Variants in RPS6KA2 observed in about 807,000 individuals in gnomAD.
The protein encoded by RPS6KA2 is ribosomal protein S6 kinase A2.
RPS6KA2 carries 42 observed loss-of-function variants against 91.8 expected under a neutral mutation model. The observed-to-expected ratio is 0.46, with a 90% CI of 0.36 to 0.59. RPS6KA2 has a LOEUF of 0.59. Among genes scored for constraint, RPS6KA2 ranks in the 20% least tolerant of loss-of-function variants. The pLI, the probability that RPS6KA2 is intolerant of heterozygous loss-of-function variation, is 0.00. For synonymous variants in RPS6KA2, 414 were observed against 393.6 expected, an observed-to-expected ratio of 1.05 and a Z score of -0.61; for missense variants, 798 against 978.5, an observed-to-expected ratio of 0.82 and a Z score of 2.46.
At chr6:166,543,049 A>G (rs952556623) in intron 1 of RPS6KA2, among the ~76,000 whole-genome samples, 8 of 152,160 alleles carry the variant, frequency 5.3e-5, no homozygotes, top group African/African-American at 1.7e-4. Flanking sequence ...CGTATCTCCA[A>G]CTCACAGGTC....
chr6:166,507,389 C>CA (rs541782082), intron 5 of RPS6KA2, among the ~76,000 whole-genome samples: 54,984 of 149,804 alleles, frequency 0.37, 11,201 homozygotes, highest in African/African-American at 0.56. Flanking sequence ...CACACACACA[C>CA]CCACCCCACA....
chr6:166,741,996 C>T (rs1042690267), intron 2 of RPS6KA2, among the ~76,000 whole-genome samples: 1 of 152,138 alleles, frequency 6.6e-6, no homozygotes, highest in Non-Finnish European at 1.5e-5. Flanking sequence ...GGCATGGTGG[C>T]GGGCGCCTGT....
chr6:166,577,962 A>G (rs1374718532), intron 1 of RPS6KA2, among the ~76,000 whole-genome samples: 3 of 152,156 alleles, frequency 2.0e-5, no homozygotes, highest in African/African-American at 7.2e-5. Context: ...ATGATAGTGA[A>G]TATGTCTCAG....
chr6:166,593,924 A>T (rs1785441333), intron 1 of RPS6KA2, among the ~76,000 whole-genome samples: 1 of 152,250 alleles, frequency 6.6e-6, no homozygotes, highest in African/African-American at 2.4e-5. Flanking sequence ...TAACACTATC[A>T]CAAATGTAAA....
At chr6:166,547,775 A>G (rs1460321170) in intron 1 of RPS6KA2, among the ~76,000 whole-genome samples, 1 of 152,260 alleles carries the variant, frequency 6.6e-6, no homozygotes, top group Non-Finnish European at 1.5e-5. Context: ...AGAGTAACTG[A>G]GTCCGTGTTT....
chr6:166,857,653 T>C (rs554675609), intron 2 of RPS6KA2, among the ~76,000 whole-genome samples: 3 of 152,348 alleles, frequency 2.0e-5, no homozygotes, highest in South Asian at 4.1e-4. Flanking sequence ...TCTCTTCCGT[T>C]TGATGACCAC....
At position 166,445,309 on chromosome 6, in the gene RPS6KA2, C is replaced by T. The variant is rs1779642848; in HGVS notation, c.1332+3415G>A. 6.6e-6 allele frequency among the ~76,000 whole-genome samples: 1 copy of T among 152,130 alleles called. No homozygotes were observed. Among genetic ancestry groups the T allele is most frequent in the Admixed American group, 6.5e-5 (1 of 15,280 alleles). On this transcript the variant is annotated intron_variant, in intron 14 of 20. Coordinates refer to ENST00000265678, the MANE Select transcript of RPS6KA2 (RefSeq NM_021135.6). This position sits in a 1 kb window ranked among gnomAD's most constrained non-coding sequence, Gnocchi z 4.5. ...CATCATCCTGTTGCTAAAGGACTCACCAGAAACTCAATGAAGAAGAAAAAC... is the reference window on the plus strand; with the variant it reads ...CATCATCCTGTTGCTAAAGGACTCATCAGAAACTCAATGAAGAAGAAAAAC...
At position 166,760,128 on chromosome 6, in the gene RPS6KA2, T is replaced by C. The variant is rs773533922; in HGVS notation, c.123+98072A>G. On this transcript the variant is annotated intron_variant, in intron 2 of 21. Coordinates refer to the RPS6KA2 transcript ENST00000503859. The stretch of plus-strand genomic sequence containing the variant: ...AAACGGAAGGTTTCTTTTGGCTATC[T>C]GTAACCTATTCATTCGGTTGGCAAA... Among the ~76,000 whole-genome samples the C allele has an allele frequency of 7.9e-5, 12 of 152,246 alleles. No individual in the cohort carries two copies. The South Asian group carries it at 1.2e-3, about 16-fold the overall frequency.
At chr6:166,549,400 C>A (rs1245690628) in intron 1 of RPS6KA2, among the ~76,000 whole-genome samples, 1 of 152,136 alleles carries the variant, frequency 6.6e-6, no homozygotes. Flanking sequence ...ACTCGAACAG[C>A]CCAAATGGTC....
At chr6:166,712,797 G>C (rs375382463) in intron 2 of RPS6KA2, among the ~76,000 whole-genome samples, 106 of 152,328 alleles carry the variant, frequency 7.0e-4, no homozygotes, top group Middle Eastern at 6.8e-3. Context: ...ATGTTGCCAC[G>C]TGGTCAATGG....
At chr6:166,598,431 C>G (rs1288479913) in intron 1 of RPS6KA2, among the ~76,000 whole-genome samples, 1 of 152,148 alleles carries the variant, frequency 6.6e-6, no homozygotes, top group African/African-American at 2.4e-5. Context: ...AAAATTAAGA[C>G]TGGATTCTCT....
chr6:166,734,667 G>GAA (rs1562407734), intron 2 of RPS6KA2, among the ~76,000 whole-genome samples: 2 of 151,666 alleles, frequency 1.3e-5, no homozygotes, highest in African/African-American at 4.9e-5. Flanking sequence ...CACTGGGGGC[G>GAA]TGCTGATTTT....
intron 14 of RPS6KA2, among the ~76,000 whole-genome samples, chr6:166,447,149 C>T (rs1018803364): frequency 3.3e-5 from 5 of 152,234 alleles, no homozygotes; most frequent in East Asian, 1.9e-4. Flanking sequence ...GAAGCCTACG[C>T]GCCCCAGGCT....
At chr6:166,447,074 A>G (rs571198162) in intron 14 of RPS6KA2, among the ~76,000 whole-genome samples, 1 of 151,574 alleles carries the variant, frequency 6.6e-6, no homozygotes, top group Non-Finnish European at 1.5e-5. Flanking sequence ...CCTTTAAAAA[A>G]CTCTCCCAAT....
At chr6:166,608,143 T>C (rs999918854) in intron 1 of RPS6KA2, among the ~76,000 whole-genome samples, 1 of 152,194 alleles carries the variant, frequency 6.6e-6, no homozygotes, top group Admixed American at 6.5e-5. Context: ...AGGACAGATT[T>C]GGAATTTTTC....
At chr6:166,588,614 G>A (rs1251372703) in intron 1 of RPS6KA2, among the ~76,000 whole-genome samples, 2 of 152,214 alleles carry the variant, frequency 1.3e-5, no homozygotes, top group Non-Finnish European at 2.9e-5. Context: ...TTGTAGCCTT[G>A]CATGTACATA....
intron 1 of RPS6KA2, among the ~76,000 whole-genome samples, chr6:166,622,339 G>T (rs1786672440): frequency 1.3e-5 from 2 of 152,146 alleles, no homozygotes; most frequent in Non-Finnish European, 2.9e-5. Context: ...TAAGCTTAAT[G>T]TCTTTAAAAT....
At chr6:166,417,453 A>C (rs1376125495) in intron 19 of RPS6KA2, among the ~76,000 whole-genome samples, 1 of 152,164 alleles carries the variant, frequency 6.6e-6, no homozygotes, top group Non-Finnish European at 1.5e-5. Flanking sequence ...TAGGAAAAAG[A>C]CTGCTCCCCT....
intron 2 of RPS6KA2, among the ~76,000 whole-genome samples, chr6:166,744,130 G>A (rs938531618): frequency 2.0e-5 from 3 of 152,130 alleles, no homozygotes; most frequent in Admixed American, 6.5e-5. Flanking sequence ...ACCCACCCAC[G>A]CTAGTGTGGT....
Sources: allele counts gnomAD v4.1 joint callset (sites outside exome capture counted in the v4.1 genomes callset), GRCh38; gene constraint gnomAD v4.1.1; non-coding constraint Gnocchi (gnomAD v3.1); transcripts MANE v1.5; gene names NCBI Gene and HGNC (gene_info 2026-07-23, HGNC 2026-07-21).